PCBP2: variants seen among roughly 807,000 people sequenced by gnomAD.
The protein encoded by PCBP2 is poly(rC) binding protein 2.
PCBP2 carries 4 observed loss-of-function variants against 50.1 expected under a neutral mutation model. The observed-to-expected ratio is 0.08, with a 90% CI of 0.04 to 0.18. PCBP2 has a LOEUF of 0.18. Among genes scored for constraint, PCBP2 ranks in the 10% least tolerant of loss-of-function variants. PCBP2 has a pLI of 1.00. For synonymous variants in PCBP2, 179 were observed against 168.0 expected (o/e 1.07, Z -0.51); for missense variants, 161 against 474.3 (o/e 0.34, Z 6.14).
rs1224952768 is a variant in PCBP2, at chr12:53,452,187, C to T, written c.-265C>T. On this transcript the variant is annotated 5_prime_UTR_variant, in exon 1 of 15. Coordinates refer to ENST00000546463, the MANE Select transcript of PCBP2 (RefSeq NM_031989.5). ...GCCCTCCGCCCGCCCGCCCGCCCTC[C>T]GCCGCCCTCCACCCGCCCCGGGGTC... is the stretch of plus-strand genomic sequence containing the variant. 7.1e-6 allele frequency: 1 copy of T among 140,210 alleles called. No individual in the cohort carries two copies. The highest frequency in any genetic ancestry group is 2.7e-5 in the African/African-American group (1 of 37,650). The allele number at this position is 140,210 out of a possible 1,614,324, so 8.7% of individuals were successfully genotyped here. A position where few individuals can be genotyped will look rare whatever the true frequency, so the allele number is the denominator to read the frequency against.
At chr12:53,472,729 T>C (rs1942324567) in intron 14 of PCBP2, among the ~76,000 whole-genome samples, 1 of 152,188 alleles carries the variant, frequency 6.6e-6, no homozygotes, top group African/African-American at 2.4e-5. Flanking sequence ...TGGTCTGTAT[T>C]GTGCTTGTAC....
intron 14 of PCBP2, 151 bp from the exon 15 acceptor site, chr12:53,479,255 A>G: frequency 1.5e-6 from 1 of 686,250 alleles, no homozygotes; most frequent in Admixed American, 2.1e-5. Context: ...GGATTAAAGG[A>G]TCATGGTACT....
At chr12:53,452,534 G>C (rs1348858849) in intron 1 of PCBP2, among the ~76,000 whole-genome samples, 158 bp downstream of exon 1, 1 of 151,354 alleles carries the variant, frequency 6.6e-6, no homozygotes, top group Non-Finnish European at 1.5e-5. Flanking sequence ...ATTCACGCGA[G>C]GCCCTGGCTC....
chr12:53,475,799 C>T (rs972924560), intron 14 of PCBP2: 6 of 152,098 alleles, frequency 3.9e-5, no homozygotes, highest in African/African-American at 9.7e-5. Context: ...AAAGAGATAA[C>T]GAGTCTGTGG....
intron 14 of PCBP2, 96 bp downstream of exon 14, chr12:53,471,903 A>T: frequency 1.0e-4 from 72 of 718,456 alleles, no homozygotes; most frequent in Non-Finnish European, 1.3e-4. Flanking sequence ...TACATGGGCG[A>T]TGGGTAAAGA....
Position 53,468,387 on chromosome 12 carries a change from G to A in PCBP2, c.827-390G>A, listed in dbSNP as rs1356475500. 6 of 234,450 alleles carry A rather than the reference G, an allele frequency of 2.6e-5. No individual in the cohort carries two copies. In the East Asian group the frequency reaches 6.7e-4, roughly 26 times the overall value. 14.5% of individuals were successfully genotyped at this position (234,450 alleles called of 1,614,324 possible). On this transcript the variant is annotated intron_variant, in intron 12 of 14. Coordinates refer to ENST00000546463, the MANE Select transcript of PCBP2 (RefSeq NM_031989.5). Reference sequence around the variant, plus strand: ...GGTACCCATTAACAGGCATAATATTGGCACTGGTGCTAGTGAGCATCAGGT... The same window carrying A: ...GGTACCCATTAACAGGCATAATATTAGCACTGGTGCTAGTGAGCATCAGGT...
chr12:53,465,026 C>A, intron 9 of PCBP2, 174 bp downstream of exon 9: 1 of 657,996 alleles, frequency 1.5e-6, no homozygotes, highest in Non-Finnish European at 2.2e-6. Flanking sequence ...CGTAGCCCAC[C>A]AGATGGTAAC....
intron 12 of PCBP2, 38 bp downstream of exon 12, chr12:53,467,881 T>C: frequency 6.9e-7 from 1 of 1,448,554 alleles, no homozygotes; most frequent in South Asian, 1.1e-5. Context: ...AGTATTCTAC[T>C]GTTATATTAA....
At chr12:53,464,957 G>C in intron 9 of PCBP2, 105 bp downstream of exon 9, 1 of 1,376,860 alleles carries the variant, frequency 7.3e-7, no homozygotes. Flanking sequence ...TGGTGCTGTG[G>C]ACACCACCTG....
At chr12:53,475,409 A>G (rs1213634767) in intron 14 of PCBP2, 2 of 333,462 alleles carry the variant, frequency 6.0e-6, no homozygotes. Context: ...TGCCTGTTTC[A>G]GGGTCTGACT....
At chr12:53,460,069 A>G in intron 6 of PCBP2, 1 of 231,712 alleles carries the variant, frequency 4.3e-6, no homozygotes, top group East Asian at 1.2e-4. Context: ...CTGCAGCGTC[A>G]TTTTTCTTGA....
chr12:53,466,835 A>G (rs1309564648), intron 10 of PCBP2, among the ~76,000 whole-genome samples: 1 of 151,852 alleles, frequency 6.6e-6, no homozygotes, highest in Non-Finnish European at 1.5e-5. Flanking sequence ...GAAACCCTGC[A>G]TGGTGTGTTT....
At chr12:53,471,337 T>C (rs1204435972) in intron 13 of PCBP2, among the ~76,000 whole-genome samples, 3 of 151,772 alleles carry the variant, frequency 2.0e-5, no homozygotes, top group Admixed American at 2.0e-4. Flanking sequence ...CCCAGCACTT[T>C]GGGAGGCCAA....
intron 5 of PCBP2, among the ~76,000 whole-genome samples, chr12:53,457,928 G>GT (rs200957668): frequency 0.013 from 1,935 of 152,030 alleles, 31 homozygotes; most frequent in African/African-American, 0.044. Context: ...CTATAGGTTT[G>GT]TTTTTTTTGT....
intron 8 of PCBP2, among the ~76,000 whole-genome samples, chr12:53,463,535 A>G (rs1224593706): frequency 2.0e-5 from 3 of 152,242 alleles, no homozygotes; most frequent in African/African-American, 4.8e-5. Context: ...ATTAGGTATT[A>G]TAAGTAACCT....
chr12:53,470,789 G>A (rs1942175613), intron 13 of PCBP2, among the ~76,000 whole-genome samples: 2 of 149,948 alleles, frequency 1.3e-5, no homozygotes, highest in African/African-American at 2.5e-5. Flanking sequence ...TTTTCCCAAG[G>A]CAAAAACACC....
rs759497612 is a variant in PCBP2 at position 53,455,326 on chromosome 12, CGTTA to C, written c.70-17_70-14del. On this transcript the variant is annotated splice_polypyrimidine_tract_variant and intron_variant, in intron 2 of 14. Coordinates refer to ENST00000546463, the MANE Select transcript of PCBP2 (RefSeq NM_031989.5). ...ATACTTCTGAGTTTCCTCTTACTGA[CGTTA>C]GTTTTCTCCATTGCAGGAAGTTGGC... 1.2e-6 allele frequency: 2 copies of C among 1,609,800 alleles called. No individual in the cohort carries two copies. Among genetic ancestry groups the C allele is most frequent in the East Asian group, 2.2e-5 (1 of 44,814 alleles).
intron 13 of PCBP2, among the ~76,000 whole-genome samples, chr12:53,469,972 C>T (rs1338828264): frequency 6.6e-6 from 1 of 151,898 alleles, no homozygotes; most frequent in Non-Finnish European, 1.5e-5. Flanking sequence ...TCTTGAACTC[C>T]TGACCTTACG....
intron 7 of PCBP2, among the ~76,000 whole-genome samples, chr12:53,461,594 A>AC (rs1213809763): frequency 6.6e-6 from 1 of 152,260 alleles, no homozygotes; most frequent in African/African-American, 2.4e-5. Flanking sequence ...CGAATGACTT[A>AC]CAAGGTCCTG....
Sources: allele counts gnomAD v4.1 joint callset (sites outside exome capture counted in the v4.1 genomes callset), GRCh38; gene constraint gnomAD v4.1.1; transcripts MANE v1.5; gene names NCBI Gene and HGNC (gene_info 2026-07-23, HGNC 2026-07-21).